The following PC variants were observed in gnomAD, a reference collection of about 807,000 sequenced individuals.
PC encodes pyruvate carboxylase.
In PC, 46 loss-of-function variants were observed where a neutral mutation model predicts 107.8. The ratio of observed to expected loss-of-function variants is 0.43; its 90% CI spans 0.34 to 0.55. The LOEUF (loss-of-function observed/expected upper bound fraction) is 0.55. Ranked by LOEUF, PC falls within the 20% of genes least tolerant of loss-of-function variation. The pLI, the probability that PC is intolerant of heterozygous loss-of-function variation, is 0.04. For missense variants in PC, 1,241 were observed against 1,643.1 expected (o/e 0.76, Z 4.23); for synonymous variants, 662 against 684.7 (o/e 0.97, Z 0.52).
intron 3 of PC, among the ~76,000 whole-genome samples, chr11:66,885,528 G>A (rs1046556062): frequency 6.6e-6 from 1 of 151,580 alleles, no homozygotes; most frequent in African/African-American, 2.4e-5. Flanking sequence ...TTGGAAATAG[G>A]GTAATCAAGT....
intron 3 of PC, among the ~76,000 whole-genome samples, chr11:66,927,052 A>G (rs769006863): frequency 6.7e-6 from 1 of 148,356 alleles, no homozygotes; most frequent in Non-Finnish European, 1.5e-5. Flanking sequence ...GTGCAATGGC[A>G]TGATCTCGGC....
chr11:66,881,440 C>T (rs1007718687), intron 3 of PC, among the ~76,000 whole-genome samples: 1 of 152,252 alleles, frequency 6.6e-6, no homozygotes, highest in Non-Finnish European at 1.5e-5. Context: ...CCATTTCCCT[C>T]CCAGCTTCAG....
At chr11:66,928,345 C>T (rs1948766890) in intron 3 of PC, among the ~76,000 whole-genome samples, 1 of 145,108 alleles carries the variant, frequency 6.9e-6, no homozygotes. Context: ...GAGATTGTGC[C>T]ACTGCACTCC....
At chr11:66,886,225 G>A (rs1325660810) in intron 3 of PC, among the ~76,000 whole-genome samples, 1 of 152,028 alleles carries the variant, frequency 6.6e-6, no homozygotes, top group East Asian at 1.9e-4. Flanking sequence ...GCAGAGGAGG[G>A]GAGGAGGTCC....
chr11:66,852,965 T>C lies in PC; in HGVS notation c.1514-129A>G. On this transcript the variant is annotated intron_variant, in intron 13 of 22. Coordinates refer to ENST00000393960, the MANE Select transcript of PC (RefSeq NM_001040716.2). The surrounding 1 kb of genome is among the most constrained non-coding windows in gnomAD (Gnocchi z 4.7). ...GATCCCCGGGCTTCCAGCTGGCCCC[T>C]GTCCTCTCCAAAGCCAGGGCCTCCT... 1.3e-6 allele frequency: 1 copy of C among 790,538 alleles called. No homozygotes were observed. Among genetic ancestry groups the C allele is most frequent in the Non-Finnish European group, 2.0e-6 (1 of 504,834 alleles). The allele number at this position is 790,538 out of a possible 1,614,324, so 49.0% of individuals were successfully genotyped here.
rs758646049 is a variant in PC at position 66,863,017 on chromosome 11, G to C, written c.1368+757C>G. ...TACATGACTTGGGCTCTTGCCTGGT[G>C]GGGGGGGATCCACATTTTCCAGAAA... is the stretch of plus-strand genomic sequence containing the variant. On this transcript the variant is annotated intron_variant, in intron 12 of 22. Transcript: ENST00000393960. Among the ~76,000 whole-genome samples the C allele has an allele frequency of 4.7e-5, 7 of 147,842 alleles. No individual in the cohort carries two copies. In the East Asian group the frequency reaches 5.8e-4, roughly 12 times the overall value.
chr11:66,855,461 G>A (rs1945748439), intron 12 of PC, among the ~76,000 whole-genome samples: 1 of 152,152 alleles, frequency 6.6e-6, no homozygotes, highest in Non-Finnish European at 1.5e-5. Flanking sequence ...ACCACGCCCG[G>A]CTAATTTTTG....
chr11:66,946,839 T>C (rs141253831), intron 3 of PC, among the ~76,000 whole-genome samples: 134 of 152,258 alleles, frequency 8.8e-4, no homozygotes, highest in African/African-American at 3.0e-3. Context: ...TGATTTTACA[T>C]AGAAATTTTA....
chr11:66,858,757 T>C lies in PC; in HGVS notation c.1368+5017A>G. 6.4e-7 allele frequency: 1 copy of C among 1,553,614 alleles called. No individual in the cohort carries two copies. The highest frequency in any genetic ancestry group is 8.7e-7 in the Non-Finnish European group (1 of 1,148,932). Reference sequence around the variant, plus strand: ...GCTTTCCCCAACGGGACCTTAGAGATTGGGGTGACCGGCGCTGGGGACGCT... The same window carrying C: ...GCTTTCCCCAACGGGACCTTAGAGACTGGGGTGACCGGCGCTGGGGACGCT... On this transcript the variant is annotated intron_variant, in intron 12 of 22. Coordinates refer to ENST00000393960, the MANE Select transcript of PC (RefSeq NM_001040716.2). This position sits in a 1 kb window ranked among gnomAD's most constrained non-coding sequence, Gnocchi z 5.9.
chr11:66,851,239 C>T lies in PC; in HGVS notation c.2024G>A (p.Arg675His), dbSNP rs375528540. 11 of 1,604,040 alleles carry T rather than the reference C, an allele frequency of 6.9e-6. No homozygotes were observed. The highest frequency in any genetic ancestry group is 1.3e-5 in the African/African-American group (1 of 74,932). The change falls in exon 17 of 23, where the codon CGT becomes CAT. Residue 675 changes from arginine to histidine, a missense_variant. Arg to His is a conservative substitution (Grantham distance 29). Transcript: ENST00000393960. ...CAAGTAGTTGAGGGAGTCAAACACA[C>T]GGAAGACATCCATGCCATTCTCTTT... ...VAKENGMDVFRVFDSLNYLPN... is the reference protein window; with the variant it reads ...VAKENGMDVFHVFDSLNYLPN...
chr11:66,860,540 G>C, intron 12 of PC: 1 of 702,048 alleles, frequency 1.4e-6, no homozygotes, highest in Non-Finnish European at 2.6e-6. Context: ...CGGGCCGCTG[G>C]TGGCACACGG....
intron 3 of PC, among the ~76,000 whole-genome samples, chr11:66,881,706 C>G (rs1228508835): frequency 6.6e-6 from 1 of 152,244 alleles, no homozygotes; most frequent in Non-Finnish European, 1.5e-5. Context: ...CACTGTGGCT[C>G]TTCACGCAGA....
At chr11:66,904,173 A>C (rs952108740) in intron 3 of PC, among the ~76,000 whole-genome samples, 1 of 151,964 alleles carries the variant, frequency 6.6e-6, no homozygotes, top group South Asian at 2.1e-4. Flanking sequence ...TCCCACCCCT[A>C]ATGTCCCACA....
At chr11:66,935,210 A>G (rs1948965989) in intron 3 of PC, among the ~76,000 whole-genome samples, 1 of 152,248 alleles carries the variant, frequency 6.6e-6, no homozygotes, top group South Asian at 2.1e-4. Flanking sequence ...CACTCAGTCA[A>G]CTGAGAAAAC....
chr11:66,886,776 G>T (rs948375484), intron 3 of PC, among the ~76,000 whole-genome samples: 1 of 152,166 alleles, frequency 6.6e-6, no homozygotes, highest in Non-Finnish European at 1.5e-5. Flanking sequence ...AGAGTATCCG[G>T]CTGGAAAGAA....
rs1377525533 is a variant in PC, at chr11:66,870,440, C to T, written c.765G>A (p.Gly255=). 1.1e-5 allele frequency: 18 copies of T among 1,613,482 alleles called. No individual in the cohort carries two copies. Among genetic ancestry groups the T allele is most frequent in the Non-Finnish European group, 1.5e-5 (18 of 1,180,000 alleles). ...IEVQILGDQY[G]NILHLYERDC... ...CTCGCTCGTACAGGTGCAGGATGTT[C>T]CCATACTGGTCCCCTGGGGAGGGAG... Residue 255 remains glycine, a synonymous_variant, in exon 9 of 23, where the codon GGG becomes GGA. Coordinates refer to ENST00000393960, the MANE Select transcript of PC (RefSeq NM_001040716.2). The surrounding 1 kb of genome is among the most constrained non-coding windows in gnomAD (Gnocchi z 6.1).
Position 66,850,459 on chromosome 11 carries a change from G to A in PC, c.2479C>T (p.Pro827Ser), listed in dbSNP as rs2135796826. ...TRGTPLDTEV[P>S]MERVFDYSEY... ...CTGTAGTCAAACACGCGCTCCATGG[G>A]CACCTCTGCAGGGAGGCCAGAGTCA... is the stretch of plus-strand genomic sequence containing the variant. Residue 827 changes from proline (P) to serine (S), a missense_variant, in exon 19 of 23, where the codon CCC becomes TCC. Pro to Ser is a moderately conservative substitution (Grantham distance 74). Transcript: ENST00000393960. 6.2e-7 allele frequency: 1 copy of A among 1,613,882 alleles called. No individual in the cohort carries two copies. The highest frequency in any genetic ancestry group is 8.5e-7 in the Non-Finnish European group (1 of 1,180,014).
intron 3 of PC, among the ~76,000 whole-genome samples, chr11:66,947,958 G>A (rs1283239331): frequency 5.0e-5 from 7 of 140,816 alleles, no homozygotes; most frequent in Non-Finnish European, 7.6e-5. Context: ...GTGAGATTCC[G>A]TCTCAAAAAA....
At chr11:66,881,062 C>G (rs771456891) in intron 3 of PC, among the ~76,000 whole-genome samples, 9 of 152,182 alleles carry the variant, frequency 5.9e-5, no homozygotes, top group Non-Finnish European at 1.2e-4. Flanking sequence ...TCGGGGGATG[C>G]CACTGTCTTG....
Sources: allele counts gnomAD v4.1 joint callset (sites outside exome capture counted in the v4.1 genomes callset), GRCh38; gene constraint gnomAD v4.1.1; non-coding constraint Gnocchi (gnomAD v3.1); transcripts MANE v1.5; gene names NCBI Gene and HGNC (gene_info 2026-07-23, HGNC 2026-07-21).